Variants in ABCC1 observed in about 807,000 individuals in gnomAD.
ABCC1 encodes multidrug resistance-associated protein 1.
In ABCC1, 83 loss-of-function variants were observed where a neutral mutation model predicts 172.9. That is an observed-to-expected ratio of 0.48 (90% CI 0.40 to 0.58). The LOEUF (loss-of-function observed/expected upper bound fraction) is 0.58, where lower values mean the gene tolerates loss of function less well. ABCC1 is among the 20% of genes least tolerant of loss of function. The pLI is 0.00. For missense variants in ABCC1, 1,817 were observed against 2,002.7 expected (o/e 0.91, Z 1.77); for synonymous variants, 937 against 825.2 (o/e 1.14, Z -2.32).
At chr16:15,951,582 T>A (rs2045874245) in intron 1 of ABCC1, among the ~76,000 whole-genome samples, 1 of 152,118 alleles carries the variant, frequency 6.6e-6, no homozygotes, top group Admixed American at 6.6e-5. Context: ...TGGAGGTGCC[T>A]TGGAACCAGA....
At chr16:15,977,336 C>T (rs2046516871) in intron 1 of ABCC1, among the ~76,000 whole-genome samples, 1 of 152,202 alleles carries the variant, frequency 6.6e-6, no homozygotes, top group African/African-American at 2.4e-5. Flanking sequence ...CATTCTGGCT[C>T]TGGCCTGTCT....
chr16:15,974,718 CA>C (rs1306559628), intron 1 of ABCC1, among the ~76,000 whole-genome samples: 1 of 152,116 alleles, frequency 6.6e-6, no homozygotes. Context: ...AGACAAATAT[CA>C]AAGATAGCAA....
chr16:16,034,561 T>C (rs16967126), intron 6 of ABCC1, among the ~76,000 whole-genome samples: 18,239 of 149,650 alleles, frequency 0.12, 1,562 homozygotes, highest in African/African-American at 0.23. Context: ...GGTAAAGGCA[T>C]GTAGAGGCTG....
rs903859501 is a variant in ABCC1 at position 16,098,996 on chromosome 16, G to A, written c.2645-3631G>A. The A allele has an allele frequency of 4.4e-6, 5 of 1,133,566 alleles. No individual in the cohort carries two copies. The African/African-American group carries it at 6.3e-5, about 14-fold the overall frequency. 70.2% of individuals were successfully genotyped at this position (1,133,566 alleles called of 1,614,324 possible). ...CTGCATGTCTGGGGAGGTGCCGTCA[G>A]ATGTCTGTGTTTTCACCCCTCCGGT... is the stretch of plus-strand genomic sequence containing the variant. On this transcript the variant is annotated intron_variant, in intron 19 of 30. Transcript: ENST00000399410.
chr16:15,985,514 G>A (rs1468504796), intron 1 of ABCC1, among the ~76,000 whole-genome samples: 1 of 151,726 alleles, frequency 6.6e-6, no homozygotes, highest in African/African-American at 2.4e-5. Flanking sequence ...GCACCATCTC[G>A]GCTCACTGCA....
chr16:16,051,324 C>G (rs1298258394), intron 10 of ABCC1, among the ~76,000 whole-genome samples: 1 of 151,862 alleles, frequency 6.6e-6, no homozygotes, highest in African/African-American at 2.4e-5. Flanking sequence ...GTGCACGCCA[C>G]CATGCCTGGC....
chr16:16,111,276 T>G, intron 21 of ABCC1, 99 bp from the exon 22 acceptor site: 1 of 935,116 alleles, frequency 1.1e-6, no homozygotes, highest in Non-Finnish European at 1.7e-6. Flanking sequence ...GGCAGGCAGC[T>G]GGGTGGCACA....
chr16:15,972,922 C>T (rs1019284504), intron 1 of ABCC1, among the ~76,000 whole-genome samples: 4 of 151,174 alleles, frequency 2.6e-5, no homozygotes, highest in Non-Finnish European at 4.4e-5. Context: ...CCTTAGCCTC[C>T]AGAGTAGCTG....
At chr16:16,017,082 C>G (rs2048026509) in intron 5 of ABCC1, among the ~76,000 whole-genome samples, 1 of 151,770 alleles carries the variant, frequency 6.6e-6, no homozygotes, top group African/African-American at 2.4e-5. Context: ...ATGCCTGGCC[C>G]CTGAGGGATT....
intron 5 of ABCC1, among the ~76,000 whole-genome samples, chr16:16,025,189 A>G (rs1284722273): frequency 1.3e-5 from 2 of 152,120 alleles, no homozygotes; most frequent in Non-Finnish European, 2.9e-5. Context: ...CTGGACATTT[A>G]GGCTCCGTCT....
intron 3 of ABCC1, among the ~76,000 whole-genome samples, chr16:16,012,003 T>C (rs554067621): frequency 6.6e-6 from 1 of 152,264 alleles, no homozygotes; most frequent in African/African-American, 2.4e-5. Context: ...GGTCTCCCTA[T>C]GTTGCCCAGG....
chr16:16,119,114 G>A (rs535637520), intron 23 of ABCC1, among the ~76,000 whole-genome samples: 223 of 152,282 alleles, frequency 1.5e-3, no homozygotes, highest in Admixed American at 3.7e-3. Flanking sequence ...AAAGAAGCCA[G>A]ACGAAAAAGA....
chr16:16,087,888 T>C (rs748228822), intron 18 of ABCC1, among the ~76,000 whole-genome samples: 9 of 152,266 alleles, frequency 5.9e-5, no homozygotes, highest in Admixed American at 5.2e-4. Context: ...TTCAAGTCTT[T>C]TTGCTCTGTG....
intron 23 of ABCC1, among the ~76,000 whole-genome samples, chr16:16,118,366 CAG>C (rs1328932969): frequency 3.3e-5 from 5 of 149,998 alleles, no homozygotes; most frequent in African/African-American, 9.8e-5. Flanking sequence ...GTGATGGAAT[CAG>C]AGAGAGTAGG....
At chr16:16,062,109 A>C (rs1210378749) in intron 12 of ABCC1, among the ~76,000 whole-genome samples, 2 of 152,168 alleles carry the variant, frequency 1.3e-5, no homozygotes, top group Non-Finnish European at 2.9e-5. Context: ...TCAGAGGAAA[A>C]GATACAAGCC....
At chr16:16,029,550 A>G (rs1046888545) in intron 5 of ABCC1, among the ~76,000 whole-genome samples, 1 of 152,214 alleles carries the variant, frequency 6.6e-6, no homozygotes, top group Non-Finnish European at 1.5e-5. Flanking sequence ...CATGCATTGC[A>G]TAGGTGAACG....
chr16:16,107,033 G>A (rs765072473), intron 21 of ABCC1, among the ~76,000 whole-genome samples, 160 bp downstream of exon 21: 1 of 152,160 alleles, frequency 6.6e-6, no homozygotes, highest in Non-Finnish European at 1.5e-5. Flanking sequence ...AGGCCAGAGA[G>A]GCTAAGTGAC....
At chr16:16,001,947 G>C (rs2047328621) in intron 1 of ABCC1, among the ~76,000 whole-genome samples, 1 of 151,956 alleles carries the variant, frequency 6.6e-6, no homozygotes. Context: ...CAAACTCCTG[G>C]GCTCATGGGA....
At chr16:16,027,308 C>T (rs149148611) in intron 5 of ABCC1, among the ~76,000 whole-genome samples, 19 of 152,192 alleles carry the variant, frequency 1.2e-4, no homozygotes, top group South Asian at 4.2e-4. Context: ...CCCCTAACTC[C>T]GCTGTGTAGC....
Sources: gnomAD v4.1 joint callset for allele counts (sites outside exome capture counted in the v4.1 genomes callset) on GRCh38, gnomAD v4.1.1 for gene constraint, MANE v1.5 for transcripts, NCBI Gene and HGNC (gene_info 2026-07-23, HGNC 2026-07-21) for gene names.